ANK2: variants seen among roughly 807,000 people sequenced by gnomAD.
ANK2 encodes ankyrin-2.
Under a neutral mutation model 360.5 loss-of-function variants are expected in ANK2, and 83 were observed. That is an observed-to-expected ratio of 0.23 (90% confidence interval 0.19 to 0.28). The LOEUF (loss-of-function observed/expected upper bound fraction) is 0.28, where lower values mean the gene tolerates loss of function less well. Ranked by LOEUF, ANK2 falls within the 10% of genes least tolerant of loss-of-function variation. ANK2 has a pLI of 1.00. For synonymous variants in ANK2, 1,740 were observed against 1,759.5 expected (o/e 0.99, Z 0.28); for missense variants, 4,201 against 4,795.7 (o/e 0.88, Z 3.66).
intron 9 of ANK2, among the ~76,000 whole-genome samples, chr4:113,248,482 GCATT>G (rs1563157343): frequency 1.3e-5 from 2 of 152,078 alleles, no homozygotes; most frequent in Non-Finnish European, 2.9e-5. Context: ...ATGTCTTGCT[GCATT>G]GGCCAAACCC....
At chr4:113,036,153 A>G (rs1387832906) in intron 2 of ANK2, among the ~76,000 whole-genome samples, 1 of 151,774 alleles carries the variant, frequency 6.6e-6, no homozygotes, top group East Asian at 1.9e-4. Context: ...TTTGTCTGAT[A>G]TTGAATCACT....
rs187709757 is a variant in ANK2, at chr4:112,925,688, G to A, written c.21+21174G>A. ...TAAACATTTTCTGCCTACTTGAATGGAATAAACTTGGAAGAACTTTGGGAG... is the reference window on the plus strand; with the variant it reads ...TAAACATTTTCTGCCTACTTGAATGAAATAAACTTGGAAGAACTTTGGGAG... On this transcript the variant is annotated intron_variant, in intron 2 of 30. Coordinates refer to the ANK2 transcript ENST00000503271. Among the ~76,000 whole-genome samples, 1,365 of 152,288 alleles carry A rather than the reference G, an allele frequency of 9.0e-3. 15 individuals carry two copies. The highest frequency in any genetic ancestry group is 0.017 in the Middle Eastern group (5 of 294).
At chr4:113,374,292 A>T (rs1459840916) in intron 45 of ANK2, among the ~76,000 whole-genome samples, 1 of 152,210 alleles carries the variant, frequency 6.6e-6, no homozygotes, top group African/African-American at 2.4e-5. Context: ...TTTGACAAAT[A>T]GTTTGTGAAA....
intron 1 of ANK2, among the ~76,000 whole-genome samples, chr4:113,100,508 CTG>C (rs2154359400): frequency 6.6e-6 from 1 of 152,232 alleles, no homozygotes; most frequent in East Asian, 1.9e-4. Flanking sequence ...ACAACAGAAA[CTG>C]TCATTCATTG....
chr4:113,263,468 G>T (rs1431905564), intron 13 of ANK2, among the ~76,000 whole-genome samples: 1 of 152,152 alleles, frequency 6.6e-6, no homozygotes, highest in Non-Finnish European at 1.5e-5. Flanking sequence ...GAAAATTAGA[G>T]TAGATATCCA....
intron 1 of ANK2, among the ~76,000 whole-genome samples, chr4:112,881,443 C>T (rs1203413716): frequency 6.6e-6 from 1 of 152,112 alleles, no homozygotes; most frequent in Non-Finnish European, 1.5e-5. Context: ...CTCAAACAAA[C>T]AAAAAACTAA....
At chr4:112,831,418 G>A (rs187724654) in intron 1 of ANK2, among the ~76,000 whole-genome samples, 1 of 152,080 alleles carries the variant, frequency 6.6e-6, no homozygotes, top group Non-Finnish European at 1.5e-5. Flanking sequence ...GAGAACTTTT[G>A]TGTCTAGCTA....
chr4:113,281,921 A>C (rs1038570134), intron 17 of ANK2, among the ~76,000 whole-genome samples: 5 of 152,190 alleles, frequency 3.3e-5, no homozygotes, highest in Admixed American at 2.6e-4. Flanking sequence ...GATTCATATA[A>C]GCTAATTTTG....
chr4:112,735,631 A>C, the ANK2 span, among the ~76,000 whole-genome samples: 1 of 152,292 alleles, frequency 6.6e-6, no homozygotes, highest in East Asian at 1.9e-4. Flanking sequence ...AAACCACTGA[A>C]GTATTACCCT....
intron 45 of ANK2, among the ~76,000 whole-genome samples, chr4:113,380,996 G>A (rs1202087209): frequency 6.6e-6 from 1 of 152,012 alleles, no homozygotes; most frequent in Non-Finnish European, 1.5e-5. Flanking sequence ...TTTGGGTCAG[G>A]GTATGACTGT....
chr4:112,963,731 ATATAAACGCTGAACCAAGTCTC>A, intron 2 of ANK2, among the ~76,000 whole-genome samples: 1 of 152,166 alleles, frequency 6.6e-6, no homozygotes, highest in East Asian at 1.9e-4. Context: ...TATTGATAAA[ATATAAACGCTGAACCAAGTCTC>A]TATAAAATGT....
chr4:112,752,611 C>T, the ANK2 span, among the ~76,000 whole-genome samples: 2 of 150,008 alleles, frequency 1.3e-5, no homozygotes, highest in African/African-American at 2.5e-5. Flanking sequence ...CTCAAGCAGT[C>T]TTCCCACTTC....
At chr4:112,990,932 C>G (rs1016551758) in intron 2 of ANK2, among the ~76,000 whole-genome samples, 1 of 152,082 alleles carries the variant, frequency 6.6e-6, no homozygotes, top group Non-Finnish European at 1.5e-5. Flanking sequence ...AAATTACAAC[C>G]AAATTCATCC....
intron 2 of ANK2, among the ~76,000 whole-genome samples, chr4:112,983,111 C>A (rs184766971): frequency 1.2e-3 from 188 of 152,162 alleles, no homozygotes; most frequent in African/African-American, 4.3e-3. Flanking sequence ...ATCTTTAAAG[C>A]CAAAATTCTC....
chr4:113,278,406 C>A (rs2153700391), intron 16 of ANK2, 54 bp from the exon 17 acceptor site: 3 of 1,489,620 alleles, frequency 2.0e-6, no homozygotes, highest in Non-Finnish European at 2.8e-6. Context: ...CTGGTAGCTT[C>A]AGGGCAGCTA....
In ANK2 at chr4:113,315,768, A is replaced by C. The variant is rs367834057; in HGVS notation, c.2694-1939A>C. ...AAAAAAATTAGCCAGGCGTGGTGGC[A>C]GGCGCCTGTAGTCCCAGCTACTCGG... On this transcript the variant is annotated intron_variant, in intron 24 of 45. Transcript: ENST00000357077. Among the ~76,000 whole-genome samples, 4 of 151,934 alleles carry C rather than the reference A, an allele frequency of 2.6e-5. No homozygotes were observed. In the East Asian group the frequency reaches 5.8e-4, roughly 22 times the overall value.
At chr4:112,954,432 A>T (rs1439990578) in intron 2 of ANK2, among the ~76,000 whole-genome samples, 1 of 152,176 alleles carries the variant, frequency 6.6e-6, no homozygotes, top group Non-Finnish European at 1.5e-5. Flanking sequence ...TAAGTATTTA[A>T]TGAAAAGGAT....
intron 2 of ANK2, among the ~76,000 whole-genome samples, chr4:113,004,663 A>G (rs563773896): frequency 2.6e-4 from 39 of 152,232 alleles, no homozygotes; most frequent in Non-Finnish European, 4.3e-4. Flanking sequence ...AAAGTATGGT[A>G]TAGTAAATAC....
chr4:113,205,079 CA>C (rs1156811831), intron 4 of ANK2, among the ~76,000 whole-genome samples: 2 of 151,526 alleles, frequency 1.3e-5, no homozygotes, highest in East Asian at 1.9e-4. Flanking sequence ...ACTAAAAATA[CA>C]AAAAAATTAG....
Sources: gnomAD v4.1 joint callset for allele counts (sites outside exome capture counted in the v4.1 genomes callset) on GRCh38, gnomAD v4.1.1 for gene constraint, MANE v1.5 for transcripts, NCBI Gene and HGNC (gene_info 2026-07-23, HGNC 2026-07-21) for gene names.